The following MAP3K20 variants were observed in gnomAD, a reference collection of about 807,000 sequenced individuals.
MAP3K20 encodes mitogen-activated protein kinase kinase kinase 20.
Under a neutral mutation model 85.7 loss-of-function variants are expected in MAP3K20, and 40 were observed. That is an observed-to-expected ratio of 0.47 (90% CI 0.36 to 0.61). MAP3K20 has a LOEUF of 0.61. MAP3K20 is among the 20% of genes least tolerant of loss of function. The probability of loss-of-function intolerance (pLI) is 0.00; values close to 1 mark genes in which losing one functional copy is unlikely to be tolerated. For synonymous variants in MAP3K20, 325 were observed against 327.7 expected (o/e 0.99, Z 0.09); for missense variants, 817 against 961.7 (o/e 0.85, Z 1.99).
intron 2 of MAP3K20, among the ~76,000 whole-genome samples, chr2:173,122,321 C>T (rs547926835): frequency 1.3e-3 from 199 of 152,342 alleles, no homozygotes; most frequent in Admixed American, 2.4e-3. Context: ...ATGTATCATG[C>T]AGAACCCTTT....
intron 1 of MAP3K20, among the ~76,000 whole-genome samples, chr2:173,081,842 C>T (rs1545516): frequency 0.41 from 62,000 of 151,926 alleles, 13,938 homozygotes; most frequent in African/African-American, 0.59. Context: ...GATTAGTCAT[C>T]AACTCAACAG....
At chr2:173,133,919 A>G (rs1688691196) in intron 2 of MAP3K20, among the ~76,000 whole-genome samples, 2 of 146,224 alleles carry the variant, frequency 1.4e-5, no homozygotes, top group African/African-American at 5.0e-5. Context: ...GGAACCCGGG[A>G]GGCGGAGCTT....
chr2:173,112,294 TAGG>T (rs940518167), intron 2 of MAP3K20, among the ~76,000 whole-genome samples: 3 of 152,280 alleles, frequency 2.0e-5, no homozygotes, highest in Middle Eastern at 3.4e-3. Context: ...TTGTCAGTTC[TAGG>T]AGCTTTCTGG....
rs556905625 is a variant in MAP3K20, at chr2:173,082,554, G to C, written c.-35+6552G>C. Among the ~76,000 whole-genome samples the C allele has an allele frequency of 1.6e-4, 24 of 152,340 alleles. 1 individual carries two copies. Among genetic ancestry groups the C allele is most frequent in the Admixed American group, 9.8e-4 (15 of 15,310 alleles). ...TTGGGGTACAAACAAGGGCTGAGTA[G>C]CAGCAAGACCTAGGGTGGGGGCAGG... On this transcript the variant is annotated intron_variant, in intron 1 of 19. Transcript: ENST00000375213.
chr2:173,207,046 G>A (rs1483301381), intron 9 of MAP3K20, among the ~76,000 whole-genome samples: 1 of 149,280 alleles, frequency 6.7e-6, no homozygotes, highest in African/African-American at 2.5e-5. Flanking sequence ...GGGGCGGGGT[G>A]GTGATGTATG....
chr2:173,191,232 C>A lies in MAP3K20; in HGVS notation c.582+55C>A, dbSNP rs1048506684. 13 of 1,600,656 alleles carry A rather than the reference C, an allele frequency of 8.1e-6. 1 individual carries two copies. The highest frequency in any genetic ancestry group is 1.1e-5 in the Non-Finnish European group (13 of 1,174,552). ...AAGGGAAATACAAAAAGCAAACACTCAAAAGAAGAGAGATACAGTTTAACA... is the reference window on the plus strand; with the variant it reads ...AAGGGAAATACAAAAAGCAAACACTAAAAAGAAGAGAGATACAGTTTAACA... On this transcript the variant is annotated intron_variant, in intron 7 of 19. Coordinates refer to ENST00000375213, the MANE Select transcript of MAP3K20 (RefSeq NM_016653.3).
At chr2:173,124,186 T>G (rs932854179) in intron 2 of MAP3K20, among the ~76,000 whole-genome samples, 2 of 152,200 alleles carry the variant, frequency 1.3e-5, no homozygotes, top group Non-Finnish European at 2.9e-5. Flanking sequence ...CTATTAATAT[T>G]TTTGAGGGTC....
At chr2:173,126,073 C>T (rs1330479111) in intron 2 of MAP3K20, among the ~76,000 whole-genome samples, 1 of 152,144 alleles carries the variant, frequency 6.6e-6, no homozygotes. Flanking sequence ...AAAACAAATG[C>T]TTTCAAGCAA....
intron 1 of MAP3K20, among the ~76,000 whole-genome samples, chr2:173,079,661 ATTTGT>A (rs1173063774): frequency 7.9e-6 from 1 of 125,920 alleles, no homozygotes; most frequent in Non-Finnish European, 1.7e-5. Context: ...TTAAAAAAAA[ATTTGT>A]TTTGCTTCTT....
intron 3 of MAP3K20, among the ~76,000 whole-genome samples, chr2:173,172,881 T>TC (rs1035913964): frequency 1.3e-5 from 2 of 151,706 alleles, no homozygotes; most frequent in Non-Finnish European, 2.9e-5. Context: ...CACTGCAACC[T>TC]CCACCTCCTG....
chr2:173,130,213 A>G (rs1688568507), intron 2 of MAP3K20, among the ~76,000 whole-genome samples: 2 of 152,222 alleles, frequency 1.3e-5, no homozygotes, highest in African/African-American at 4.8e-5. Context: ...TTTCAACAGT[A>G]AAAAACTGGG....
rs59664655 is a variant in MAP3K20, at chr2:173,214,830, T to C, written c.852-2285T>C. 2.5e-3 allele frequency among the ~76,000 whole-genome samples: 382 copies of C among 152,326 alleles called. 3 individuals carry two copies. Among genetic ancestry groups the C allele is most frequent in the African/African-American group, 8.8e-3 (367 of 41,568 alleles). On this transcript the variant is annotated intron_variant, in intron 10 of 19. Transcript: ENST00000375213. ...TTATATAAATATATCAACAAATGCA[T>C]TTGATGCACAACAATGCACCAAAAA...
intron 3 of MAP3K20, among the ~76,000 whole-genome samples, chr2:173,181,120 C>T (rs1690312695): frequency 6.6e-6 from 1 of 152,032 alleles, no homozygotes; most frequent in Non-Finnish European, 1.5e-5. Context: ...CTAATAGGCA[C>T]ATAAAAAGAT....
chr2:173,145,263 A>G (rs1339073458), intron 2 of MAP3K20, among the ~76,000 whole-genome samples: 1 of 152,130 alleles, frequency 6.6e-6, no homozygotes, highest in African/African-American at 2.4e-5. Flanking sequence ...AAAGAAAAAA[A>G]AATTGGTAAC....
At position 173,232,338 on chromosome 2, in the gene MAP3K20, T is replaced by A; in HGVS notation, c.1082T>A (p.Met361Lys). ...LVRKGDSSAEMSVYASLFKEN... is the reference protein window; with the variant it reads ...LVRKGDSSAEKSVYASLFKEN... ...CCTTCAGGTGACTCTTCAGCAGAGA[T>A]GAGTGTATATGCAAGCTTGTTTAAA... Residue 361 changes from methionine (M) to lysine (K), a missense_variant, in exon 14 of 20, where the codon ATG becomes AAG. Around this residue, in one of 4 missense-constraint regions of MAP3K20, gnomAD observed 158 missense variants for 162.0 expected, o/e 0.98. Coordinates refer to ENST00000375213, the MANE Select transcript of MAP3K20 (RefSeq NM_016653.3). 6.2e-7 allele frequency: 1 copy of A among 1,614,200 alleles called. No individual in the cohort carries two copies. Among genetic ancestry groups the A allele is most frequent in the Middle Eastern group, 1.6e-4 (1 of 6,062 alleles).
At chr2:173,119,194 T>C (rs1366533535) in intron 2 of MAP3K20, among the ~76,000 whole-genome samples, 2 of 152,180 alleles carry the variant, frequency 1.3e-5, no homozygotes, top group Non-Finnish European at 2.9e-5. Flanking sequence ...TAGCCCTTAT[T>C]GGAGAAGGTG....
intron 2 of MAP3K20, among the ~76,000 whole-genome samples, chr2:173,162,759 C>CCA (rs1381447418): frequency 9.2e-5 from 14 of 151,458 alleles, no homozygotes; most frequent in Non-Finnish European, 1.5e-4. Context: ...TGCTTAAATA[C>CCA]CACACACACT....
intron 2 of MAP3K20, among the ~76,000 whole-genome samples, chr2:173,154,891 T>C (rs747946842): frequency 2.6e-4 from 40 of 152,110 alleles, no homozygotes; most frequent in Non-Finnish European, 4.9e-4. Flanking sequence ...CAACCAAATA[T>C]AATGGGATTA....
At chr2:173,078,308 T>C (rs562672828) in intron 1 of MAP3K20, among the ~76,000 whole-genome samples, 15 of 152,330 alleles carry the variant, frequency 9.8e-5, no homozygotes, top group African/African-American at 3.6e-4. Context: ...AAAAATGAAT[T>C]TAGATCACTT....
Sources: allele counts gnomAD v4.1 joint callset (sites outside exome capture counted in the v4.1 genomes callset), GRCh38; gene constraint gnomAD v4.1.1; regional missense constraint gnomAD v4.1.1; transcripts MANE v1.5; gene names NCBI Gene and HGNC (gene_info 2026-07-23, HGNC 2026-07-21).